The following RAPGEF6 variants were observed in gnomAD, a reference collection of about 807,000 sequenced individuals.
The protein encoded by RAPGEF6 is PDZ domain containing guanine nucleotide exchange factor (GEF) 2.
In RAPGEF6, 56 loss-of-function variants were observed where a neutral mutation model predicts 171.4. The observed-to-expected ratio is 0.33, with a 90% CI of 0.26 to 0.41. The LOEUF (loss-of-function observed/expected upper bound fraction) is 0.41. RAPGEF6 is among the 10% of genes least tolerant of loss of function. The pLI, the probability that RAPGEF6 is intolerant of heterozygous loss-of-function variation, is 1.00. For synonymous variants in RAPGEF6, 692 were observed against 650.1 expected, an observed-to-expected ratio of 1.06 and a Z score of -0.98; for missense variants, 1,674 against 1,921.4, an observed-to-expected ratio of 0.87 and a Z score of 2.41.
chr5:131,593,975 C>G (rs577829976), intron 3 of RAPGEF6, among the ~76,000 whole-genome samples: 1 of 152,158 alleles, frequency 6.6e-6, no homozygotes, highest in Non-Finnish European at 1.5e-5. Context: ...AATTCAAGCC[C>G]GCTGCAGAAA....
chr5:131,530,639 G>A (rs1484079831), intron 6 of RAPGEF6, among the ~76,000 whole-genome samples: 2 of 152,140 alleles, frequency 1.3e-5, no homozygotes, highest in Non-Finnish European at 2.9e-5. Flanking sequence ...ACAAATACTT[G>A]ATTTACACAG....
rs372248866 is a variant in RAPGEF6 at position 131,471,119 on chromosome 5, T to A, written c.2239+1468A>T. Among the ~76,000 whole-genome samples the A allele has an allele frequency of 3.5e-4, 54 of 152,330 alleles. 1 individual carries two copies. In the South Asian group the frequency reaches 0.011, roughly 30 times the overall value. On this transcript the variant is annotated intron_variant, in intron 17 of 27. Coordinates refer to ENST00000509018, the MANE Select transcript of RAPGEF6 (RefSeq NM_016340.6). ...CTTTGGTAACAATCTTCACATTAAC[T>A]TCGGATCAAATAACTGGAGTGTCTT... is the stretch of plus-strand genomic sequence containing the variant.
chr5:131,507,981 T>C, intron 9 of RAPGEF6, 90 bp downstream of exon 9: 1 of 1,160,638 alleles, frequency 8.6e-7, no homozygotes, highest in African/African-American at 1.6e-5. Context: ...CAAAAATCAG[T>C]ACTCAAAAAT....
chr5:131,484,095 CAAAAA>C (rs757936744), intron 15 of RAPGEF6, among the ~76,000 whole-genome samples: 3 of 42,066 alleles, frequency 7.1e-5, no homozygotes, highest in Admixed American at 2.4e-4. Flanking sequence ...GACTCCATCT[CAAAAA>C]AAAAAAAAAA....
At position 131,549,646 on chromosome 5, in the gene RAPGEF6, G is replaced by A. The variant is rs190152707; in HGVS notation, c.352-1456C>T. On this transcript the variant is annotated intron_variant, in intron 5 of 27. Transcript: ENST00000509018. ...GTATCACTTGAGCCCAGGAGTTAAC[G>A]TCCAGCCTGGGCAACACGGCAAGAC... Among the ~76,000 whole-genome samples the A allele has an allele frequency of 5.3e-3, 797 of 151,764 alleles. 7 individuals are homozygous for A. The highest frequency in any genetic ancestry group is 0.018 in the African/African-American group (758 of 41,348).
Position 131,504,873 on chromosome 5 carries a change from G to A in RAPGEF6, c.1102-95C>T, listed in dbSNP as rs780063918. ...AGAGCACAAAGGTAAGAAATCTAGC[G>A]GCATTAGTTCTTTTTCACTTAATTC... On this transcript the variant is annotated intron_variant, in intron 10 of 27. Transcript: ENST00000509018. The A allele has an allele frequency of 3.0e-4, 355 of 1,164,842 alleles. 2 individuals are homozygous for A. Among genetic ancestry groups the A allele is most frequent in the East Asian group, 6.2e-4 (23 of 36,802 alleles). The allele number at this position is 1,164,842 out of a possible 1,614,324, so 72.2% of individuals were successfully genotyped here. A position where few individuals can be genotyped will look rare whatever the true frequency, so the allele number is the denominator to read the frequency against.
At chr5:131,535,873 G>C (rs1759733704) in intron 6 of RAPGEF6, among the ~76,000 whole-genome samples, 1 of 152,012 alleles carries the variant, frequency 6.6e-6, no homozygotes, top group African/African-American at 2.4e-5. Flanking sequence ...TGAAAAGAAG[G>C]ACAGAGAAAG....
chr5:131,520,443 AAATAT>A (rs1398890129), intron 7 of RAPGEF6, among the ~76,000 whole-genome samples: 12 of 152,194 alleles, frequency 7.9e-5, no homozygotes, highest in African/African-American at 2.4e-5. Flanking sequence ...GCACTAAATA[AAATAT>A]ATTACTAAAA....
intron 6 of RAPGEF6, among the ~76,000 whole-genome samples, chr5:131,535,269 C>T (rs771333455): frequency 2.6e-5 from 4 of 152,126 alleles, no homozygotes; most frequent in Non-Finnish European, 4.4e-5. Flanking sequence ...AAATTCCATA[C>T]TCAACACGGG....
chr5:131,603,756 T>G (rs1181586031), intron 2 of RAPGEF6, among the ~76,000 whole-genome samples: 1 of 152,014 alleles, frequency 6.6e-6, no homozygotes, highest in Non-Finnish European at 1.5e-5. Context: ...AAATGCTAAT[T>G]TTTCAGTTTT....
intron 6 of RAPGEF6, among the ~76,000 whole-genome samples, chr5:131,536,042 ATAT>A (rs1435738616): frequency 2.6e-5 from 4 of 152,208 alleles, no homozygotes; most frequent in Admixed American, 1.3e-4. Context: ...CTGCAATGAA[ATAT>A]TATAATCATA....
In RAPGEF6 at chr5:131,634,004, T is replaced by C. The variant is rs146899306; in HGVS notation, c.69+958A>G. Among the ~76,000 whole-genome samples, 492 of 152,348 alleles carry C rather than the reference T, an allele frequency of 3.2e-3. 2 individuals are homozygous for C. Among genetic ancestry groups the C allele is most frequent in the Middle Eastern group, 6.8e-3 (2 of 294 alleles). On this transcript the variant is annotated intron_variant, in intron 1 of 27. Transcript: ENST00000509018. ...ATCTTCAATAACATAATTTGACCTA[T>C]CATGGCTTCCGTTGTGACCTGAATA...
chr5:131,490,721 C>G (rs1172502559), intron 14 of RAPGEF6, among the ~76,000 whole-genome samples: 2 of 152,076 alleles, frequency 1.3e-5, no homozygotes, highest in Non-Finnish European at 2.9e-5. Context: ...AAGGCAAGAA[C>G]ATATAATACT....
At chr5:131,498,311 G>T in intron 12 of RAPGEF6, 132 bp downstream of exon 12, 1 of 798,088 alleles carries the variant, frequency 1.3e-6, no homozygotes, top group Non-Finnish European at 1.9e-6. Context: ...TTATACTGAT[G>T]GTTCAGGTTC....
intron 23 of RAPGEF6, among the ~76,000 whole-genome samples, chr5:131,441,303 G>A (rs1176262913): frequency 6.6e-6 from 1 of 152,162 alleles, no homozygotes; most frequent in Non-Finnish European, 1.5e-5. Flanking sequence ...AGCACAATTT[G>A]AACCATGCCT....
At chr5:131,556,114 A>G (rs908929679) in intron 5 of RAPGEF6, among the ~76,000 whole-genome samples, 1 of 152,236 alleles carries the variant, frequency 6.6e-6, no homozygotes, top group Non-Finnish European at 1.5e-5. Context: ...AGTCATAACC[A>G]GCAGTGCAGG....
At chr5:131,445,114 A>G (rs932258099) in intron 22 of RAPGEF6, among the ~76,000 whole-genome samples, 1 of 152,224 alleles carries the variant, frequency 6.6e-6, no homozygotes, top group Non-Finnish European at 1.5e-5. Context: ...ACTAAAGATG[A>G]AGAAAACCTT....
At chr5:131,523,653 G>A (rs137940452) in intron 6 of RAPGEF6, among the ~76,000 whole-genome samples, 75 of 152,188 alleles carry the variant, frequency 4.9e-4, no homozygotes, top group African/African-American at 1.8e-3. Flanking sequence ...GAGATTCAGT[G>A]AGAGAATGTG....
chr5:131,502,794 T>A (rs1006841927), intron 11 of RAPGEF6, among the ~76,000 whole-genome samples: 1 of 152,256 alleles, frequency 6.6e-6, no homozygotes, highest in Admixed American at 6.5e-5. Flanking sequence ...CTGGACTGAA[T>A]CTGTTTTTGT....
Sources: allele counts gnomAD v4.1 joint callset (sites outside exome capture counted in the v4.1 genomes callset), GRCh38; gene constraint gnomAD v4.1.1; transcripts MANE v1.5; gene names NCBI Gene and HGNC (gene_info 2026-07-23, HGNC 2026-07-21).